The following LOC400499 variants were observed in gnomAD, a reference collection of about 807,000 sequenced individuals.
chr16:11,400,599 C>A, the LOC400499 span, among the ~76,000 whole-genome samples: 13 of 152,114 alleles, frequency 8.5e-5, no homozygotes, highest in African/African-American at 2.4e-4. Flanking sequence ...CACCACCACA[C>A]CCAGCTAATT....
At chr16:11,402,613 T>C in the LOC400499 span, among the ~76,000 whole-genome samples, 4 of 152,142 alleles carry the variant, frequency 2.6e-5, no homozygotes, top group African/African-American at 4.8e-5. Flanking sequence ...GGGGAGAGCC[T>C]GCTTTCAGCT....
At chr16:11,502,278 A>T in the LOC400499 span, 1 of 397,140 alleles carries the variant, frequency 2.5e-6, no homozygotes, top group Non-Finnish European at 4.4e-6. Flanking sequence ...ACCGTGGGGA[A>T]AGTGGGAAGG....
chr16:11,527,514 G>A, the LOC400499 span, among the ~76,000 whole-genome samples: 42,605 of 152,034 alleles, frequency 0.28, 6,296 homozygotes, highest in East Asian at 0.56. Flanking sequence ...TGTAGTGGTT[G>A]TTTCTTTTTA....
the LOC400499 span, chr16:11,460,453 G>A: frequency 4.6e-6 from 7 of 1,510,290 alleles, no homozygotes; most frequent in South Asian, 1.2e-5. Flanking sequence ...CTCTCCGGAT[G>A]TCGCACCTGG....
At chr16:11,414,531 G>C in the LOC400499 span, 1 of 399,682 alleles carries the variant, frequency 2.5e-6, no homozygotes. Flanking sequence ...AATGGCATGG[G>C]CTACTGAAGA....
chr16:11,435,953 A>T, the LOC400499 span: 1 of 398,518 alleles, frequency 2.5e-6, no homozygotes, highest in East Asian at 3.6e-5. Flanking sequence ...CTCCTTCTCC[A>T]TGAAGCCCTC....
chr16:11,417,113 A>AC, the LOC400499 span, among the ~76,000 whole-genome samples: 4 of 146,742 alleles, frequency 2.7e-5, no homozygotes, highest in East Asian at 2.1e-4. Flanking sequence ...TTGAAGTCCC[A>AC]CCCCCCCTCA....
the LOC400499 span, chr16:11,404,753 C>G: frequency 2.5e-6 from 1 of 399,062 alleles, no homozygotes. Context: ...CAGAAAGGCT[C>G]CCGGTGAGGG....
At chr16:11,385,054 C>A in the LOC400499 span, 2 of 1,232,194 alleles carry the variant, frequency 1.6e-6, no homozygotes, top group Non-Finnish European at 1.0e-6. Context: ...AGGAGTTGTA[C>A]AGCCTGTAGG....
chr16:11,387,419 G>A, the LOC400499 span: 1 of 737,828 alleles, frequency 1.4e-6, no homozygotes, highest in East Asian at 3.4e-5. Flanking sequence ...TGCCTTTCAG[G>A]GAGGGGCTGT....
At chr16:11,417,791 G>C in the LOC400499 span, 1 of 398,902 alleles carries the variant, frequency 2.5e-6, no homozygotes, top group Non-Finnish European at 4.4e-6. Context: ...ATCAGGATGC[G>C]TCCAGAATGC....
chr16:11,396,673 G>C, the LOC400499 span: 1 of 1,231,858 alleles, frequency 8.1e-7, no homozygotes, highest in South Asian at 4.1e-5. Context: ...CGACCAAGAG[G>C]GCCTGGGACG....
chr16:11,480,314 C>T, the LOC400499 span, among the ~76,000 whole-genome samples: 2 of 152,134 alleles, frequency 1.3e-5, no homozygotes, highest in East Asian at 1.9e-4. Context: ...CTCTTGCTGC[C>T]CCCAGCTCTA....
At chr16:11,459,073 T>TA in the LOC400499 span, among the ~76,000 whole-genome samples, 1 of 146,840 alleles carries the variant, frequency 6.8e-6, no homozygotes, top group South Asian at 2.1e-4. Context: ...AATAAATAAA[T>TA]AAAAAACAGT....
chr16:11,381,348 G>T, the LOC400499 span, among the ~76,000 whole-genome samples: 1 of 151,958 alleles, frequency 6.6e-6, no homozygotes, highest in Non-Finnish European at 1.5e-5. Flanking sequence ...AAGCAATCTC[G>T]CCTCAGCCTC....
the LOC400499 span, chr16:11,390,495 C>T: frequency 8.1e-7 from 1 of 1,233,734 alleles, no homozygotes; most frequent in East Asian, 3.1e-5. Flanking sequence ...CACCATGAGA[C>T]CTCAGGGCAG....
At chr16:11,473,755 C>A in the LOC400499 span, among the ~76,000 whole-genome samples, 44 of 139,138 alleles carry the variant, frequency 3.2e-4, no homozygotes, top group African/African-American at 4.7e-4. Context: ...AACTCTGTCT[C>A]AAAAAAAAAA....
At chr16:11,459,188 A>ATTT in the LOC400499 span, among the ~76,000 whole-genome samples, 389 of 119,888 alleles carry the variant, frequency 3.2e-3, 22 homozygotes, top group African/African-American at 0.013. Flanking sequence ...TCCTAAACCA[A>ATTT]TTTTTTTTTT....
the LOC400499 span, among the ~76,000 whole-genome samples, chr16:11,424,636 C>T: frequency 6.6e-6 from 1 of 152,244 alleles, no homozygotes; most frequent in South Asian, 2.1e-4. Context: ...ACTTCCAGCT[C>T]CCCGAGGAAA....
Sources: allele counts gnomAD v4.1 joint callset (sites outside exome capture counted in the v4.1 genomes callset), GRCh38; gene constraint gnomAD v4.1.1; transcripts MANE v1.5.